BABAM2: variants seen among roughly 807,000 people sequenced by gnomAD.
BABAM2 encodes BRISC and BRCA1 A complex member 2.
In BABAM2, 31 loss-of-function variants were observed where a neutral mutation model predicts 54.7. The observed-to-expected ratio is 0.57, with a 90% CI of 0.43 to 0.77. The LOEUF is 0.77. Ranked by LOEUF, BABAM2 falls within the 30% of genes least tolerant of loss-of-function variation. The pLI is 0.00. For missense variants in BABAM2, 364 were observed against 455.8 expected (o/e 0.80, Z 1.83); for synonymous variants, 167 against 162.9 (o/e 1.03, Z -0.19).
rs1303571303 is a variant in BABAM2 at position 28,298,450 on chromosome 2, C to T, written c.1047C>T (p.Tyr349=). The T allele has an allele frequency of 1.2e-6, 2 of 1,614,196 alleles. No individual in the cohort carries two copies. Among genetic ancestry groups the T allele is most frequent in the Non-Finnish European group, 1.7e-6 (2 of 1,180,024 alleles). Residue 349 remains tyrosine, a synonymous_variant, in exon 11 of 12, where the codon TAC becomes TAT. Coordinates refer to ENST00000379624, the MANE Select transcript of BABAM2 (RefSeq NM_199191.3). The stretch of plus-strand genomic sequence containing the variant: ...CCCAGGCCCAAAAAAATTATCCGTA[C>T]AGCCCCAGATGGGATGGAAATGAAA... ...LYSQAQKNYP[Y]SPRWDGNEMA...
chr2:27,924,020 A>C (rs1667507538), intron 2 of BABAM2, among the ~76,000 whole-genome samples: 1 of 152,176 alleles, frequency 6.6e-6, no homozygotes, highest in Non-Finnish European at 1.5e-5. Context: ...TCTTGTAAAA[A>C]TCATTTCAAA....
chr2:28,224,782 A>G (rs185514989), intron 7 of BABAM2, among the ~76,000 whole-genome samples: 1 of 148,484 alleles, frequency 6.7e-6, no homozygotes, highest in Non-Finnish European at 1.5e-5. Flanking sequence ...GTTTTGACAC[A>G]CCACCACATT....
chr2:27,917,190 G>T (rs888665816), intron 2 of BABAM2, among the ~76,000 whole-genome samples: 1 of 151,648 alleles, frequency 6.6e-6, no homozygotes, highest in African/African-American at 2.4e-5. Context: ...GCTAATTTTT[G>T]TATTTTTAGT....
intron 11 of BABAM2, among the ~76,000 whole-genome samples, chr2:28,320,837 C>T (rs1689968538): frequency 6.6e-6 from 1 of 152,134 alleles, no homozygotes; most frequent in Non-Finnish European, 1.5e-5. Flanking sequence ...GGTCAAGTTA[C>T]TCCTCTCCAA....
chr2:27,989,723 A>G (rs1672648343), intron 4 of BABAM2, among the ~76,000 whole-genome samples: 1 of 152,114 alleles, frequency 6.6e-6, no homozygotes, highest in Admixed American at 6.5e-5. Flanking sequence ...GTGGAGGGAG[A>G]AAGGGCTTTG....
chr2:28,151,892 A>C (rs1291031643), intron 7 of BABAM2, among the ~76,000 whole-genome samples: 4 of 152,194 alleles, frequency 2.6e-5, no homozygotes, highest in Non-Finnish European at 5.9e-5. Flanking sequence ...CTTCACACAC[A>C]GATTTTCCCC....
chr2:28,085,095 A>G (rs1351585125), intron 6 of BABAM2, among the ~76,000 whole-genome samples: 1 of 152,170 alleles, frequency 6.6e-6, no homozygotes, highest in Non-Finnish European at 1.5e-5. Context: ...TATTTTGTGT[A>G]TTTTCTAACT....
At chr2:28,025,644 C>T (rs1675600334) in intron 5 of BABAM2, among the ~76,000 whole-genome samples, 2 of 152,136 alleles carry the variant, frequency 1.3e-5, no homozygotes, top group African/African-American at 4.8e-5. Context: ...AGTCTCATCC[C>T]CAGCCCCAGA....
chr2:28,026,836 A>C, intron 5 of BABAM2, among the ~76,000 whole-genome samples: 1 of 60,520 alleles, frequency 1.7e-5, no homozygotes, highest in Non-Finnish European at 3.1e-5. Context: ...ATATATAAAT[A>C]TATATAAATA....
At chr2:28,211,266 T>C (rs1679421903) in intron 7 of BABAM2, among the ~76,000 whole-genome samples, 1 of 152,240 alleles carries the variant, frequency 6.6e-6, no homozygotes, top group Non-Finnish European at 1.5e-5. Flanking sequence ...AATTTTTTGA[T>C]TGAGAGTTTT....
intron 11 of BABAM2, among the ~76,000 whole-genome samples, chr2:28,319,006 C>G (rs1689799358): frequency 6.6e-6 from 1 of 152,226 alleles, no homozygotes; most frequent in South Asian, 2.1e-4. Flanking sequence ...AAGATTAACT[C>G]TAAGCGGTGG....
intron 7 of BABAM2, among the ~76,000 whole-genome samples, chr2:28,235,580 G>C (rs769839639): frequency 9.9e-5 from 15 of 152,104 alleles, no homozygotes; most frequent in Non-Finnish European, 1.9e-4. Context: ...ACATATATGT[G>C]CACATTCACA....
intron 4 of BABAM2, among the ~76,000 whole-genome samples, chr2:28,023,538 A>G (rs995796410): frequency 6.6e-6 from 1 of 152,192 alleles, no homozygotes; most frequent in African/African-American, 2.4e-5. Flanking sequence ...CAGATTTGCC[A>G]GGGAAAACTT....
At chr2:28,005,754 G>T (rs1558651416) in intron 4 of BABAM2, among the ~76,000 whole-genome samples, 1 of 151,786 alleles carries the variant, frequency 6.6e-6, no homozygotes. Context: ...TCTATTTTGG[G>T]GTATTGTATA....
chr2:28,252,064 A>T (rs11676968), intron 10 of BABAM2, among the ~76,000 whole-genome samples: 18,934 of 152,024 alleles, frequency 0.12, 1,542 homozygotes, highest in Non-Finnish European at 0.18. Context: ...GGCACCTGTA[A>T]TCTCAGCTTC....
At chr2:28,296,313 A>T (rs867458656) in intron 10 of BABAM2, among the ~76,000 whole-genome samples, 190 of 152,206 alleles carry the variant, frequency 1.2e-3, no homozygotes, top group African/African-American at 4.3e-3. Context: ...GTTCCTCTAT[A>T]CTATGAACTC....
Position 28,268,056 on chromosome 2 carries a change from A to G in BABAM2, c.934+23194A>G, listed in dbSNP as rs1362038413. Among the ~76,000 whole-genome samples, 3 of 152,370 alleles carry G rather than the reference A, an allele frequency of 2.0e-5. No individual in the cohort carries two copies. The East Asian group carries it at 5.8e-4, about 29-fold the overall frequency. ...AACCCTAATATTGACTGAAAAAAGC[A>G]AGTTCCAGGAGACACACGATAGAAT... On this transcript the variant is annotated intron_variant, in intron 10 of 11. Transcript: ENST00000379624.
chr2:28,033,811 T>A (rs1016598408), intron 5 of BABAM2, among the ~76,000 whole-genome samples: 11 of 151,800 alleles, frequency 7.2e-5, no homozygotes, highest in Non-Finnish European at 1.6e-4. Context: ...TTTTTTTTTT[T>A]GAGATATGAA....
chr2:28,106,934 A>G (rs1399149035), intron 6 of BABAM2, among the ~76,000 whole-genome samples: 2 of 152,214 alleles, frequency 1.3e-5, no homozygotes, highest in Non-Finnish European at 2.9e-5. Context: ...CCATTTTCAT[A>G]CTGATACCTC....
Sources: allele counts gnomAD v4.1 joint callset (sites outside exome capture counted in the v4.1 genomes callset), GRCh38; gene constraint gnomAD v4.1.1; transcripts MANE v1.5; gene names NCBI Gene and HGNC (gene_info 2026-07-23, HGNC 2026-07-21).